Variants in EGLN2 observed in about 807,000 individuals in gnomAD.
The protein encoded by EGLN2 is prolyl hydroxylase EGLN2.
Under a neutral mutation model 38.2 loss-of-function variants are expected in EGLN2, and 15 were observed. The observed-to-expected ratio is 0.39, with a 90% confidence interval of 0.26 to 0.60. The LOEUF is 0.60. Among genes scored for constraint, EGLN2 ranks in the 20% least tolerant of loss-of-function variants. EGLN2 has a pLI of 0.50. For synonymous variants in EGLN2, 284 were observed against 237.4 expected (o/e 1.20, Z -1.81); for missense variants, 492 against 570.4 (o/e 0.86, Z 1.40).
intron 2 of EGLN2, among the ~76,000 whole-genome samples, chr19:40,802,748 A>G (rs902820129): frequency 6.6e-6 from 1 of 152,232 alleles, no homozygotes; most frequent in East Asian, 1.9e-4. Context: ...CTTGAGTCCA[A>G]GGCTTGGTGT....
chr19:40,804,468 T>C (rs1381251058), intron 2 of EGLN2: 2 of 152,438 alleles, frequency 1.3e-5, no homozygotes, highest in Non-Finnish European at 2.9e-5. Context: ...GCACATGAGG[T>C]TGGGGGCCTT....
intron 3 of EGLN2, 181 bp downstream of exon 3, chr19:40,806,855 A>G: frequency 1.0e-6 from 1 of 988,972 alleles, no homozygotes. Flanking sequence ...CCTCCTCTCT[A>G]GCGGACTGTG....
chr19:40,802,744 T>C (rs1041877323), intron 2 of EGLN2, among the ~76,000 whole-genome samples: 1 of 152,326 alleles, frequency 6.6e-6, no homozygotes, highest in East Asian at 1.9e-4. Context: ...TGGCCTTGAG[T>C]CCAAGGCTTG....
Position 40,801,314 on chromosome 19 carries a change from C to A in EGLN2, c.742C>A (p.Pro248Thr). Reference sequence around the variant, plus strand: ...GATTGCCTGGGTGGAAGGCCATGAACCAGGCTGTCGAAGCATTGGTGCCCT... The same window carrying A: ...GATTGCCTGGGTGGAAGGCCATGAAACAGGCTGTCGAAGCATTGGTGCCCT... ...DQIAWVEGHE[P>T]GCRSIGALMA... Residue 248 changes from proline to threonine, a missense_variant, in exon 2 of 6, where the codon CCA becomes ACA. Coordinates refer to ENST00000303961, the MANE Select transcript of EGLN2 (RefSeq NM_080732.4). 6.2e-7 allele frequency: 1 copy of A among 1,612,966 alleles called. No individual in the cohort carries two copies. The highest frequency in any genetic ancestry group is 8.5e-7 in the Non-Finnish European group (1 of 1,180,026).
At position 40,807,529 on chromosome 19, in the gene EGLN2, A is replaced by G. The variant is rs748480774; in HGVS notation, c.1146A>G (p.Ala382=). The change falls in exon 5 of 6, where the codon GCA becomes GCG. Residue 382 remains alanine, a synonymous_variant. Coordinates refer to ENST00000303961, the MANE Select transcript of EGLN2 (RefSeq NM_080732.4). ...VWYFDAKERA[A]AKDKYQLASG... ...ATTTTGATGCCAAGGAGCGGGCAGC[A>G]GCCAAAGACAAGTATCAGCTAGGTA... The G allele has an allele frequency of 1.9e-6, 3 of 1,614,206 alleles. No homozygotes were observed. The South Asian group carries it at 3.3e-5, about 18-fold the overall frequency.
rs527438446 is a variant in EGLN2, at chr19:40,807,357, G to A, written c.1100+83G>A. The stretch of plus-strand genomic sequence containing the variant: ...CAGAGCCTCAGAGTGACTAGGGAGC[G>A]ACGAAGTATTGAGAGGGGGCCTAGG... On this transcript the variant is annotated intron_variant, in intron 4 of 5. Coordinates refer to ENST00000303961, the MANE Select transcript of EGLN2 (RefSeq NM_080732.4). 2.1e-5 allele frequency: 33 copies of A among 1,606,272 alleles called. No homozygotes were observed. In the Admixed American group the frequency reaches 4.0e-4, roughly 20 times the overall value.
At chr19:40,802,350 T>G (rs2083267909) in intron 2 of EGLN2, among the ~76,000 whole-genome samples, 1 of 152,098 alleles carries the variant, frequency 6.6e-6, no homozygotes, top group South Asian at 2.1e-4. Flanking sequence ...CAGGTGGAGC[T>G]CATCCCCATG....
chr19:40,807,210 C>T lies in EGLN2; in HGVS notation c.1036C>T (p.Arg346Trp). 2.5e-6 allele frequency: 4 copies of T among 1,614,198 alleles called. No homozygotes were observed. The highest frequency in any genetic ancestry group is 1.3e-5 in the African/African-American group (1 of 75,062). Residue 346 changes from arginine (R) to tryptophan (W), a missense_variant, in exon 4 of 6, where the codon CGG (arginine) becomes TGG (tryptophan). Arg to Trp is a moderately radical substitution (Grantham distance 101, BLOSUM62 -3). Transcript: ENST00000303961. ...VVANIEPLFD[R>W]LLIFWSDRRN... The stretch of plus-strand genomic sequence containing the variant: ...AGCCAACATCGAGCCACTCTTTGAC[C>T]GGTTGCTCATTTTCTGGTCTGACCG...
At chr19:40,806,904 G>A (rs1336180853) in intron 3 of EGLN2, 2 of 910,918 alleles carry the variant, frequency 2.2e-6, no homozygotes, top group African/African-American at 3.4e-5. Context: ...GGTGCTGTCT[G>A]CCCAGCCCCA....
chr19:40,807,652 C>A, intron 5 of EGLN2, 101 bp downstream of exon 5: 1 of 1,456,870 alleles, frequency 6.9e-7, no homozygotes, highest in Non-Finnish European at 9.6e-7. Flanking sequence ...TCCCACCACT[C>A]ATTTTTCTTC....
chr19:40,806,274 ACT>A (rs1330458908), intron 2 of EGLN2: 2 of 446,394 alleles, frequency 4.5e-6, no homozygotes, highest in African/African-American at 2.0e-5. Flanking sequence ...AACAAATCAA[ACT>A]CTGTTACTAA....
intron 2 of EGLN2, 115 bp downstream of exon 2, chr19:40,801,530 TAG>T: frequency 6.8e-7 from 1 of 1,461,394 alleles, no homozygotes; most frequent in Non-Finnish European, 9.1e-7. Context: ...ACAGAAGGTT[TAG>T]GCAGTTCAGT....
rs1457781347 is a variant in EGLN2, at chr19:40,808,079, C to A, written c.*215C>A. 1.5e-5 allele frequency: 9 copies of A among 602,758 alleles called. No homozygotes were observed. The Admixed American group carries it at 2.4e-4, about 16-fold the overall frequency. The allele number at this position is 602,758 out of a possible 1,614,324, so 37.3% of individuals were successfully genotyped here. The stretch of plus-strand genomic sequence containing the variant: ...CTGGGGTTGTCACCTGGACAGGGGG[C>A]AGCCGTGGAGGCCACCGTTACCAAC... On this transcript the variant is annotated 3_prime_UTR_variant, in exon 6 of 6. Coordinates refer to ENST00000303961, the MANE Select transcript of EGLN2 (RefSeq NM_080732.4).
chr19:40,806,867 G>A (rs2083306337), intron 3 of EGLN2, 193 bp downstream of exon 3: 3 of 947,420 alleles, frequency 3.2e-6, no homozygotes, highest in African/African-American at 3.3e-5. Context: ...CGGACTGTGT[G>A]GTGGGAACTC....
In EGLN2 at chr19:40,803,921, C is replaced by T. The variant is rs79090214; in HGVS notation, c.843+2506C>T. On this transcript the variant is annotated intron_variant, in intron 2 of 5. Transcript: ENST00000303961. ...GGCCCTGGTCCCACCTGTCCCTCCC[C>T]TAGGTGGGAGGGGTGGAGAGCAAGT... Among the ~76,000 whole-genome samples the T allele has an allele frequency of 2.1e-3, 317 of 152,182 alleles. 2 individuals are homozygous for T. The highest frequency in any genetic ancestry group is 7.3e-3 in the African/African-American group (302 of 41,508).
At position 40,800,616 on chromosome 19, in the gene EGLN2, C is replaced by T. The variant is rs750657154; in HGVS notation, c.44C>T (p.Pro15Leu). 6.2e-7 allele frequency: 1 copy of T among 1,613,024 alleles called. No individual in the cohort carries two copies. Among genetic ancestry groups the T allele is most frequent in the Admixed American group, 1.7e-5 (1 of 59,988 alleles). The change falls in exon 2 of 6, where the codon CCT (proline) becomes CTT (leucine). Residue 15 changes from proline (P) to leucine (L), a missense_variant. By Grantham distance (98) the Pro-to-Leu change is moderately conservative. Transcript: ENST00000303961. ...CQPQPLSQAL[P>L]QLPGSSSEPL... ...CCGCAGCCCCTAAGTCAGGCTCTCC[C>T]TCAGTTACCAGGGTCTTCGTCAGAG...
intron 3 of EGLN2, 47 bp from the exon 4 acceptor site, chr19:40,807,091 C>T (rs751409531): frequency 1.3e-4 from 216 of 1,602,560 alleles, no homozygotes; most frequent in Non-Finnish European, 1.8e-4. Context: ...TGGGAGGCAG[C>T]GGCTCCTGGC....
chr19:40,807,143 T>C lies in EGLN2; in HGVS notation c.969T>C (p.His323=). Residue 323 remains histidine, a synonymous_variant, in exon 4 of 6, where the codon CAT becomes CAC. Coordinates refer to ENST00000303961, the MANE Select transcript of EGLN2 (RefSeq NM_080732.4). The part of the protein sequence containing the change: ...YLNQNWDVKV[H]GGLLQIFPEG... ...ATCCTTTGGCCTGCCCCCAGGTGCATGGCGGCCTGCTGCAGATCTTCCCTG... is the reference window on the plus strand; with the variant it reads ...ATCCTTTGGCCTGCCCCCAGGTGCACGGCGGCCTGCTGCAGATCTTCCCTG... 6.2e-7 allele frequency: 1 copy of C among 1,614,078 alleles called. No homozygotes were observed. The highest frequency in any genetic ancestry group is 1.1e-5 in the South Asian group (1 of 91,086).
intron 2 of EGLN2, among the ~76,000 whole-genome samples, 176 bp downstream of exon 2, chr19:40,801,591 C>T (rs1363871887): frequency 6.6e-6 from 1 of 150,568 alleles, no homozygotes; most frequent in African/African-American, 2.4e-5. Flanking sequence ...TTTATCCTCC[C>T]TACGGGCCTT....
Sources: gnomAD v4.1 joint callset for allele counts (sites outside exome capture counted in the v4.1 genomes callset) on GRCh38, gnomAD v4.1.1 for gene constraint, MANE v1.5 for transcripts, NCBI Gene and HGNC (gene_info 2026-07-23, HGNC 2026-07-21) for gene names.